LRRC37A2: variants seen among roughly 807,000 people sequenced by gnomAD.
The protein encoded by LRRC37A2 is leucine-rich repeat-containing protein 37A2.
Under a neutral mutation model 68.8 loss-of-function variants are expected in LRRC37A2, and 9 were observed. That is an observed-to-expected ratio of 0.13 (90% CI 0.08 to 0.23). The LOEUF (loss-of-function observed/expected upper bound fraction) is 0.23. LRRC37A2 is among the 10% of genes least tolerant of loss of function. The pLI, the probability that LRRC37A2 is intolerant of heterozygous loss-of-function variation, is 1.00. For synonymous variants in LRRC37A2, 63 were observed against 367.6 expected, an observed-to-expected ratio of 0.17 and a Z score of 9.48; for missense variants, 168 against 950.4, an observed-to-expected ratio of 0.18 and a Z score of 10.82.
chr17:46,709,170 A>C, the LRRC37A2 span, among the ~76,000 whole-genome samples: 2 of 152,090 alleles, frequency 1.3e-5, no homozygotes, highest in African/African-American at 2.4e-5. Flanking sequence ...ATCTCCTTTA[A>C]AGACAAAAGC....
chr17:46,534,214 T>C (rs1431081837), intron 6 of LRRC37A2, among the ~76,000 whole-genome samples: 1 of 148,260 alleles, frequency 6.7e-6, no homozygotes, highest in Non-Finnish European at 1.5e-5. Context: ...TTAATTTTTT[T>C]TTATTGATCA....
the LRRC37A2 span, chr17:47,027,451 G>A: frequency 2.8e-4 from 176 of 621,960 alleles, no homozygotes; most frequent in Admixed American, 1.8e-3. Context: ...GTTTAGAGTT[G>A]AGATAAAAAA....
the LRRC37A2 span, among the ~76,000 whole-genome samples, chr17:46,950,610 A>C: frequency 9.8e-5 from 15 of 152,346 alleles, no homozygotes; most frequent in Middle Eastern, 3.4e-3. Flanking sequence ...AATTTCCACC[A>C]TGTGAACTTA....
chr17:46,977,721 T>A, the LRRC37A2 span, among the ~76,000 whole-genome samples: 1 of 152,268 alleles, frequency 6.6e-6, no homozygotes, highest in Non-Finnish European at 1.5e-5. Flanking sequence ...TACTCATCTG[T>A]CCGCTATAAG....
the LRRC37A2 span, among the ~76,000 whole-genome samples, chr17:46,807,135 C>T: frequency 1.3e-5 from 2 of 152,118 alleles, no homozygotes; most frequent in East Asian, 1.9e-4. Context: ...AAAAAAGAGG[C>T]GACTTCTCTG....
the LRRC37A2 span, chr17:46,940,253 C>G: frequency 1.1e-5 from 15 of 1,422,834 alleles, no homozygotes; most frequent in East Asian, 2.0e-4. Flanking sequence ...TTCACACTTT[C>G]GGTTGGAGGA....
At chr17:46,491,056 A>G in the LRRC37A2 span, among the ~76,000 whole-genome samples, 1 of 150,642 alleles carries the variant, frequency 6.6e-6, no homozygotes, top group African/African-American at 2.5e-5. Context: ...TGCCACACCC[A>G]GCTAATTTTT....
At chr17:46,830,665 T>C in the LRRC37A2 span, 2 of 398,528 alleles carry the variant, frequency 5.0e-6, no homozygotes, top group East Asian at 3.6e-5. Flanking sequence ...ATCTGAAATG[T>C]AGTTTGGTCA....
chr17:46,994,275 C>T, the LRRC37A2 span, among the ~76,000 whole-genome samples: 1 of 152,078 alleles, frequency 6.6e-6, no homozygotes, highest in Non-Finnish European at 1.5e-5. Context: ...ATCCCAGCTA[C>T]TCAGGAGGCT....
the LRRC37A2 span, among the ~76,000 whole-genome samples, chr17:46,899,156 G>A: frequency 1.3e-5 from 2 of 152,122 alleles, no homozygotes; most frequent in African/African-American, 4.8e-5. Flanking sequence ...ATGGGAGGCT[G>A]AGGCTGGCGG....
the LRRC37A2 span, chr17:46,968,939 G>A: frequency 6.6e-6 from 1 of 152,438 alleles, no homozygotes; most frequent in African/African-American, 2.4e-5. Context: ...ATTCTCATGA[G>A]GTTGAAAAAT....
chr17:46,798,550 C>T, the LRRC37A2 span, among the ~76,000 whole-genome samples: 1 of 152,186 alleles, frequency 6.6e-6, no homozygotes, highest in South Asian at 2.1e-4. Flanking sequence ...TGAATTCCTT[C>T]TCAGAGTTTA....
the LRRC37A2 span, among the ~76,000 whole-genome samples, chr17:46,823,172 AT>A: frequency 1.8e-3 from 236 of 129,624 alleles, 6 homozygotes; most frequent in African/African-American, 5.8e-3. Flanking sequence ...TATATTATAT[AT>A]TTATATATAA....
chr17:47,046,297 A>AT, the LRRC37A2 span, among the ~76,000 whole-genome samples: 10 of 120,590 alleles, frequency 8.3e-5, no homozygotes, highest in South Asian at 1.3e-3. Flanking sequence ...ATGAGGTATA[A>AT]TTTTGCCACT....
chr17:46,779,097 ACACACAC>A, the LRRC37A2 span, among the ~76,000 whole-genome samples: 3 of 131,268 alleles, frequency 2.3e-5, 1 homozygote, highest in Admixed American at 1.6e-4. Flanking sequence ...ACACACACAC[ACACACAC>A]CCCAGCCCAC....
the LRRC37A2 span, among the ~76,000 whole-genome samples, chr17:46,981,270 A>G: frequency 0.61 from 93,109 of 151,660 alleles, 29,198 homozygotes; most frequent in African/African-American, 0.7. Flanking sequence ...TGTCTCCCCA[A>G]GTTCATCTGT....
chr17:46,842,284 A>G, the LRRC37A2 span, among the ~76,000 whole-genome samples: 1 of 152,220 alleles, frequency 6.6e-6, no homozygotes, highest in African/African-American at 2.4e-5. Flanking sequence ...CAGGTGAGGT[A>G]GATATGCCGC....
the LRRC37A2 span, among the ~76,000 whole-genome samples, chr17:46,953,771 G>C: frequency 2.1e-4 from 32 of 152,288 alleles, no homozygotes; most frequent in African/African-American, 7.7e-4. Flanking sequence ...GTTTTGATTT[G>C]CATTTCTCTG....
the LRRC37A2 span, among the ~76,000 whole-genome samples, chr17:46,754,151 T>TC: frequency 6.7e-6 from 1 of 148,778 alleles, no homozygotes; most frequent in Non-Finnish European, 1.5e-5. Context: ...AGCCAGTTCT[T>TC]TTTTTTTTTT....
Sources: allele counts gnomAD v4.1 joint callset (sites outside exome capture counted in the v4.1 genomes callset), GRCh38; gene constraint gnomAD v4.1.1; transcripts MANE v1.5; gene names NCBI Gene and HGNC (gene_info 2026-07-23, HGNC 2026-07-21).